The following RBFOX1 variants were observed in gnomAD, a reference collection of about 807,000 sequenced individuals.
The protein encoded by RBFOX1 is RNA binding fox-1 homolog 1.
A neutral mutation model predicts 57.7 loss-of-function variants in RBFOX1; 8 were observed. The ratio of observed to expected loss-of-function variants is 0.14; its 90% CI spans 0.08 to 0.25. The LOEUF (loss-of-function observed/expected upper bound fraction) is 0.25, where lower values mean the gene tolerates loss of function less well. Among genes scored for constraint, RBFOX1 ranks in the 10% least tolerant of loss-of-function variants. The probability of loss-of-function intolerance (pLI) is 1.00; values close to 1 mark genes in which losing one functional copy is unlikely to be tolerated. For missense variants in RBFOX1, 611 were observed against 548.5 expected (o/e 1.11, Z -1.14); for synonymous variants, 326 against 222.4 (o/e 1.47, Z -4.15).
At chr16:7,406,147 C>G (rs910658607) in intron 4 of RBFOX1, among the ~76,000 whole-genome samples, 1 of 152,138 alleles carries the variant, frequency 6.6e-6, no homozygotes, top group African/African-American at 2.4e-5. Flanking sequence ...AGAGTACAAT[C>G]TTTGAAACTG....
At chr16:6,486,824 A>T (rs535078874) in intron 2 of RBFOX1, among the ~76,000 whole-genome samples, 1 of 152,222 alleles carries the variant, frequency 6.6e-6, no homozygotes, top group African/African-American at 2.4e-5. Context: ...TATGAGCAGT[A>T]GTCAACAGGA....
chr16:7,019,995 T>A (rs1418845587), intron 3 of RBFOX1, among the ~76,000 whole-genome samples: 1 of 149,368 alleles, frequency 6.7e-6, no homozygotes, highest in Admixed American at 6.7e-5. Flanking sequence ...TTTTTTTTTC[T>A]CTGATGAAGT....
chr16:7,443,379 A>T (rs1251167467), intron 4 of RBFOX1, among the ~76,000 whole-genome samples: 1 of 151,118 alleles, frequency 6.6e-6, no homozygotes, highest in Non-Finnish European at 1.5e-5. Flanking sequence ...ACTCTCTTTC[A>T]CATTAATCAT....
chr16:5,800,543 T>C (rs1463756066), intron 3 of RBFOX1, among the ~76,000 whole-genome samples: 2 of 151,290 alleles, frequency 1.3e-5, no homozygotes, highest in Non-Finnish European at 2.9e-5. Flanking sequence ...TAAGGGAGAG[T>C]TGGCTGGGAC....
intron 14 of RBFOX1, among the ~76,000 whole-genome samples, chr16:7,692,367 C>G (rs2077534765): frequency 6.6e-6 from 1 of 152,104 alleles, no homozygotes; most frequent in African/African-American, 2.4e-5. Context: ...GTAAAACTTT[C>G]TTAAGATGTT....
chr16:7,709,671 T>A (rs968221452), intron 15 of RBFOX1: 55 of 1,472,062 alleles, frequency 3.7e-5, no homozygotes, highest in Non-Finnish European at 4.9e-5. Context: ...GTGTACCTAG[T>A]ACATAAGAAA....
At chr16:7,082,524 C>G (rs901075307) in intron 4 of RBFOX1, among the ~76,000 whole-genome samples, 3 of 147,762 alleles carry the variant, frequency 2.0e-5, no homozygotes, top group Non-Finnish European at 4.5e-5. Flanking sequence ...GGAGGTTGAT[C>G]AAACCTCCAC....
chr16:6,764,682 A>T (rs1312672238), intron 3 of RBFOX1, among the ~76,000 whole-genome samples: 1 of 152,182 alleles, frequency 6.6e-6, no homozygotes, highest in Non-Finnish European at 1.5e-5. Context: ...CACGCCTGTA[A>T]TCCCAGCACT....
intron 4 of RBFOX1, among the ~76,000 whole-genome samples, chr16:7,205,046 C>G (rs907380742): frequency 6.6e-6 from 1 of 152,268 alleles, no homozygotes; most frequent in South Asian, 2.1e-4. Context: ...TATGATGCCA[C>G]TCCTCTATGA....
chr16:5,556,220 A>G (rs974785574), intron 2 of RBFOX1, among the ~76,000 whole-genome samples: 1 of 152,198 alleles, frequency 6.6e-6, no homozygotes. Context: ...CCTTGGTCAT[A>G]TTAATGAGGC....
chr16:7,071,192 C>G (rs77096881), intron 4 of RBFOX1, among the ~76,000 whole-genome samples: 1 of 152,106 alleles, frequency 6.6e-6, no homozygotes, highest in African/African-American at 2.4e-5. Context: ...TTAGGTATCA[C>G]AGAGGAATTA....
intron 3 of RBFOX1, among the ~76,000 whole-genome samples, chr16:5,842,686 A>C (rs1196601067): frequency 2.0e-5 from 3 of 152,216 alleles, no homozygotes; most frequent in Non-Finnish European, 2.9e-5. Context: ...CATCGGAGGA[A>C]ATGTACCTCT....
chr16:7,544,282 G>T (rs2083798892), intron 5 of RBFOX1, among the ~76,000 whole-genome samples: 1 of 152,202 alleles, frequency 6.6e-6, no homozygotes, highest in South Asian at 2.1e-4. Flanking sequence ...GTCATTGTGT[G>T]TCTGATTACT....
At chr16:6,672,332 A>G (rs1349602359) in intron 3 of RBFOX1, among the ~76,000 whole-genome samples, 7 of 151,270 alleles carry the variant, frequency 4.6e-5, no homozygotes, top group Non-Finnish European at 1.0e-4. Flanking sequence ...GTGGTGGGGA[A>G]GGGTGGCAGG....
intron 3 of RBFOX1, among the ~76,000 whole-genome samples, chr16:6,992,211 T>G (rs2091594333): frequency 6.6e-6 from 1 of 151,428 alleles, no homozygotes; most frequent in Non-Finnish European, 1.5e-5. Flanking sequence ...TTGCACAGGC[T>G]GGAGTGCAGT....
intron 1 of RBFOX1, among the ~76,000 whole-genome samples, chr16:6,230,972 C>A (rs2097454766): frequency 1.3e-5 from 2 of 152,084 alleles, no homozygotes; most frequent in African/African-American, 2.4e-5. Flanking sequence ...GGCTTGCAGT[C>A]TGGGAGGAGA....
intron 2 of RBFOX1, among the ~76,000 whole-genome samples, chr16:5,565,569 G>A (rs1209980467): frequency 6.6e-6 from 1 of 151,956 alleles, no homozygotes; most frequent in African/African-American, 2.4e-5. Context: ...AGTTCGTGGT[G>A]AGCTGAGATC....
chr16:6,638,044 A>C (rs984159837), intron 2 of RBFOX1, among the ~76,000 whole-genome samples: 1 of 152,122 alleles, frequency 6.6e-6, no homozygotes, highest in African/African-American at 2.4e-5. Flanking sequence ...AGACACCTTT[A>C]GGGGTAGACT....
intron 4 of RBFOX1, among the ~76,000 whole-genome samples, chr16:7,259,987 T>A (rs555182529): frequency 3.3e-5 from 5 of 152,312 alleles, no homozygotes; most frequent in Admixed American, 3.3e-4. Flanking sequence ...AAGTAGTTGA[T>A]CCCAATGCTT....
Sources: gnomAD v4.1 joint callset for allele counts (sites outside exome capture counted in the v4.1 genomes callset) on GRCh38, gnomAD v4.1.1 for gene constraint, MANE v1.5 for transcripts, NCBI Gene and HGNC (gene_info 2026-07-23, HGNC 2026-07-21) for gene names.